TMEM207: variants seen among roughly 807,000 people sequenced by gnomAD.
TMEM207 encodes SRSR846.
Under a neutral mutation model 17.4 loss-of-function variants are expected in TMEM207, and 15 were observed. The ratio of observed to expected loss-of-function variants is 0.86; its 90% CI spans 0.58 to 1.33. TMEM207 has a LOEUF of 1.33. Among genes scored for constraint, TMEM207 ranks in the 40% most tolerant of loss-of-function variants. The probability of loss-of-function intolerance (pLI) is 0.00; values close to 1 mark genes in which losing one functional copy is unlikely to be tolerated. For missense variants in TMEM207, 205 were observed against 173.8 expected, an observed-to-expected ratio of 1.18 and a Z score of -1.01; for synonymous variants, 70 against 65.6, an observed-to-expected ratio of 1.07 and a Z score of -0.33.
intron 2 of TMEM207, among the ~76,000 whole-genome samples, chr3:190,444,967 T>C (rs939454827): frequency 1.3e-5 from 2 of 152,212 alleles, no homozygotes; most frequent in African/African-American, 4.8e-5. Flanking sequence ...AAACTGGTAG[T>C]AAATTGTATA....
At chr3:190,442,005 C>G (rs142695955) in intron 2 of TMEM207, among the ~76,000 whole-genome samples, 174 of 152,238 alleles carry the variant, frequency 1.1e-3, no homozygotes, top group East Asian at 3.1e-3. Context: ...ATGAACGTGG[C>G]CATACCTACC....
At chr3:190,432,783 T>G (rs1719719269) in intron 4 of TMEM207, among the ~76,000 whole-genome samples, 1 of 152,158 alleles carries the variant, frequency 6.6e-6, no homozygotes, top group East Asian at 1.9e-4. Flanking sequence ...TATTTCTATT[T>G]TCCCAGAAAT....
intron 4 of TMEM207, among the ~76,000 whole-genome samples, chr3:190,436,923 T>C (rs1345713986): frequency 6.6e-6 from 1 of 152,160 alleles, no homozygotes; most frequent in South Asian, 2.1e-4. Flanking sequence ...GAATGGCTGT[T>C]CCCTGCCTAT....
At chr3:190,444,386 A>G (rs1002656917) in intron 2 of TMEM207, 1 of 983,484 alleles carries the variant, frequency 1.0e-6, no homozygotes, top group African/African-American at 1.7e-5. Context: ...TCTTATCACC[A>G]TGTCGTGGTG....
intron 2 of TMEM207, among the ~76,000 whole-genome samples, chr3:190,442,676 GA>G (rs756506427): frequency 2.6e-3 from 377 of 143,090 alleles, no homozygotes; most frequent in African/African-American, 7.7e-3. Context: ...GGTATGGCTG[GA>G]AAAAAAAAAA....
intron 2 of TMEM207, among the ~76,000 whole-genome samples, chr3:190,447,238 A>G (rs548046547): frequency 6.6e-6 from 1 of 152,294 alleles, no homozygotes; most frequent in African/African-American, 2.4e-5. Context: ...AATTATCAGT[A>G]TCATTATTAA....
chr3:190,429,849 T>C (rs1577440921), intron 4 of TMEM207, 118 bp from the exon 5 acceptor site: 1 of 1,249,998 alleles, frequency 8.0e-7, no homozygotes, highest in Non-Finnish European at 1.1e-6. Context: ...AAATTATTTG[T>C]ATCTATGAGA....
chr3:190,440,265 C>T lies in TMEM207; in HGVS notation c.283G>A (p.Gly95Arg), dbSNP rs1009700204. ...HRRTMAVFAV[G>R]DLDSIYGTEA... ...TCACCATAAATAGAGTCCAAGTCTC[C>T]AACAGCAAAAACTGCCATGGTGCGC... The change falls in exon 4 of 5, where the codon GGA becomes AGA. Residue 95 changes from glycine (G) to arginine (R), a missense_variant. Coordinates refer to ENST00000354905, the MANE Select transcript of TMEM207 (RefSeq NM_207316.3). 6.2e-7 allele frequency: 1 copy of T among 1,613,822 alleles called. No individual in the cohort carries two copies. Among genetic ancestry groups the T allele is most frequent in the Non-Finnish European group, 8.5e-7 (1 of 1,179,892 alleles).
chr3:190,447,895 G>C, intron 1 of TMEM207, 68 bp from the exon 2 acceptor site: 1 of 1,445,212 alleles, frequency 6.9e-7, no homozygotes, highest in South Asian at 1.3e-5. Flanking sequence ...TACAAGCAGC[G>C]CCTAGAGACA....
rs535111142 is a variant in TMEM207, at chr3:190,431,045, T to G, written c.305-1314A>C. ...ATAATGGATTTTCATACAGTTGTGT[T>G]TGTCTTATTTCTTATCTCACTGGTA... On this transcript the variant is annotated intron_variant, in intron 4 of 4. Transcript: ENST00000354905. Among the ~76,000 whole-genome samples the G allele has an allele frequency of 1.1e-4, 16 of 152,268 alleles. 1 individual carries two copies. The South Asian group carries it at 3.3e-3, about 32-fold the overall frequency.
chr3:190,447,935 T>G, intron 1 of TMEM207, 108 bp from the exon 2 acceptor site: 1 of 1,073,512 alleles, frequency 9.3e-7, no homozygotes, highest in Non-Finnish European at 1.3e-6. Context: ...CGTTTGCTTT[T>G]TTAATTAAAA....
At chr3:190,438,360 C>T (rs1021001133) in intron 4 of TMEM207, among the ~76,000 whole-genome samples, 4 of 151,156 alleles carry the variant, frequency 2.6e-5, no homozygotes, top group African/African-American at 7.3e-5. Flanking sequence ...AGTCTATTGC[C>T]CGTCACTCAG....
chr3:190,446,332 C>T (rs189747468), intron 2 of TMEM207, among the ~76,000 whole-genome samples: 5 of 152,124 alleles, frequency 3.3e-5, no homozygotes, highest in Admixed American at 3.3e-4. Context: ...CCTCAGAAAA[C>T]AGCATGACTT....
At chr3:190,447,939 A>C in intron 1 of TMEM207, 112 bp from the exon 2 acceptor site, 1 of 993,014 alleles carries the variant, frequency 1.0e-6, no homozygotes, top group South Asian at 1.8e-5. Context: ...TGCTTTTTTA[A>C]TTAAAAGCTC....
chr3:190,440,141 C>A lies in TMEM207; in HGVS notation c.304+103G>T, dbSNP rs192270612. On this transcript the variant is annotated intron_variant, in intron 4 of 4. Transcript: ENST00000354905. ...CCTTGGTGTCTCCAATAAGCCACAT[C>A]TTTTTCTAAGTTCCCAGATCTGCTT... The A allele has an allele frequency of 2.1e-6, 3 of 1,416,268 alleles. No individual in the cohort carries two copies. In the Admixed American group the frequency reaches 7.0e-5, roughly 33 times the overall value. The allele number at this position is 1,416,268 out of a possible 1,614,324, so 87.7% of individuals were successfully genotyped here. A position where few individuals can be genotyped will look rare whatever the true frequency, so the allele number is the denominator to read the frequency against.
intron 2 of TMEM207, among the ~76,000 whole-genome samples, chr3:190,445,867 C>G (rs1720034415): frequency 6.6e-6 from 1 of 152,236 alleles, no homozygotes; most frequent in East Asian, 1.9e-4. Flanking sequence ...AAAATATATG[C>G]AAATTGTTTC....
At chr3:190,430,180 T>G (rs1464696800) in intron 4 of TMEM207, among the ~76,000 whole-genome samples, 2 of 152,156 alleles carry the variant, frequency 1.3e-5, no homozygotes, top group Non-Finnish European at 2.9e-5. Context: ...TTATTTCTCT[T>G]TAGTAAACAG....
rs550541245 is a variant in TMEM207, at chr3:190,445,782, T to C, written c.113+2008A>G. 1.4e-4 allele frequency among the ~76,000 whole-genome samples: 21 copies of C among 152,314 alleles called. No individual in the cohort carries two copies. In the South Asian group the frequency reaches 4.1e-3, roughly 30 times the overall value. On this transcript the variant is annotated intron_variant, in intron 2 of 4. Coordinates refer to ENST00000354905, the MANE Select transcript of TMEM207 (RefSeq NM_207316.3). ...CTCAGGTGATCCACCCACTTTGGCA[T>C]CCCAAAGTGCTAGGATTACAGGGTT... is the stretch of plus-strand genomic sequence containing the variant.
At chr3:190,430,454 A>G (rs1719668577) in intron 4 of TMEM207, among the ~76,000 whole-genome samples, 2 of 151,606 alleles carry the variant, frequency 1.3e-5, no homozygotes, top group Non-Finnish European at 2.9e-5. Context: ...GTAACACAAA[A>G]AAATAATAGT....
Sources: allele counts gnomAD v4.1 joint callset (sites outside exome capture counted in the v4.1 genomes callset), GRCh38; gene constraint gnomAD v4.1.1; transcripts MANE v1.5; gene names NCBI Gene and HGNC (gene_info 2026-07-23, HGNC 2026-07-21).